RBFOX1: variants seen among roughly 807,000 people sequenced by gnomAD.
RBFOX1 encodes the protein RNA binding protein fox-1 homolog 1.
In RBFOX1, 8 loss-of-function variants were observed where a neutral mutation model predicts 57.7. That is an observed-to-expected ratio of 0.14 (90% CI 0.08 to 0.25). RBFOX1 has a LOEUF of 0.25. Among genes scored for constraint, RBFOX1 ranks in the 10% least tolerant of loss-of-function variants. The probability of loss-of-function intolerance (pLI) is 1.00; values close to 1 mark genes in which losing one functional copy is unlikely to be tolerated. For missense variants in RBFOX1, 611 were observed against 548.5 expected, an observed-to-expected ratio of 1.11 and a Z score of -1.14; for synonymous variants, 326 against 222.4, an observed-to-expected ratio of 1.47 and a Z score of -4.15.
Position 5,583,672 on chromosome 16 carries a change from T to G in RBFOX1, c.259-15230T>G, listed in dbSNP as rs533513838. On this transcript the variant is annotated intron_variant, in intron 2 of 2. Transcript: ENST00000585867. The stretch of plus-strand genomic sequence containing the variant: ...TTGGGCTGGGCTTCAGTTTCCTCTC[T>G]GTAAAGTGGGGTCGATAAGAGCTAA... Among the ~76,000 whole-genome samples, 3 of 152,326 alleles carry G rather than the reference T, an allele frequency of 2.0e-5. No homozygotes were observed. The East Asian group carries it at 5.8e-4, about 29-fold the overall frequency.
chr16:7,027,102 C>G (rs972011551), intron 3 of RBFOX1, among the ~76,000 whole-genome samples: 7 of 152,116 alleles, frequency 4.6e-5, no homozygotes, highest in African/African-American at 1.7e-4. Context: ...TTCCTGAACC[C>G]GTCTCTCCTA....
intron 4 of RBFOX1, among the ~76,000 whole-genome samples, chr16:7,118,211 A>G (rs911597687): frequency 6.6e-6 from 1 of 152,114 alleles, no homozygotes; most frequent in Non-Finnish European, 1.5e-5. Flanking sequence ...CACCAGCAGC[A>G]TATAAGAGTC....
At chr16:5,294,824 A>C (rs932906665) in intron 1 of RBFOX1, among the ~76,000 whole-genome samples, 1 of 151,740 alleles carries the variant, frequency 6.6e-6, no homozygotes, top group South Asian at 2.1e-4. Context: ...TGAGGCCAGG[A>C]TTTCAAGATC....
intron 2 of RBFOX1, among the ~76,000 whole-genome samples, chr16:6,459,574 T>C (rs549029070): frequency 6.6e-6 from 1 of 152,276 alleles, no homozygotes; most frequent in Non-Finnish European, 1.5e-5. Flanking sequence ...AATTACCCTA[T>C]ATCTCATGCT....
chr16:7,127,155 T>C (rs1359878418), intron 4 of RBFOX1, among the ~76,000 whole-genome samples: 1 of 152,144 alleles, frequency 6.6e-6, no homozygotes, highest in Non-Finnish European at 1.5e-5. Context: ...CTGACTGTGA[T>C]TATAATTTCA....
intron 2 of RBFOX1, among the ~76,000 whole-genome samples, chr16:5,474,871 C>T (rs747329177): frequency 6.6e-6 from 1 of 152,214 alleles, no homozygotes; most frequent in Non-Finnish European, 1.5e-5. Flanking sequence ...ATTTGACTCA[C>T]AAAGGCTATT....
At chr16:7,247,523 G>A (rs1302731043) in intron 4 of RBFOX1, among the ~76,000 whole-genome samples, 1 of 152,158 alleles carries the variant, frequency 6.6e-6, no homozygotes, top group Non-Finnish European at 1.5e-5. Context: ...TTTTCTGTAA[G>A]ACCCTGTGCC....
chr16:6,467,143 A>G (rs2095068074), intron 2 of RBFOX1, among the ~76,000 whole-genome samples: 2 of 151,064 alleles, frequency 1.3e-5, no homozygotes, highest in East Asian at 1.9e-4. Flanking sequence ...AATATAATAA[A>G]GTTTACTTAA....
chr16:5,405,901 C>G (rs148481420), intron 1 of RBFOX1, among the ~76,000 whole-genome samples: 5 of 152,228 alleles, frequency 3.3e-5, no homozygotes, highest in African/African-American at 1.2e-4. Flanking sequence ...CATCTCCCCA[C>G]AGGCTGAGGA....
intron 4 of RBFOX1, among the ~76,000 whole-genome samples, chr16:5,906,427 A>G (rs925613912): frequency 2.0e-5 from 3 of 152,214 alleles, no homozygotes; most frequent in East Asian, 1.9e-4. Flanking sequence ...ATGCTAGGGT[A>G]GAGCTACGGA....
chr16:5,270,993 T>A, intron 1 of RBFOX1: 3 of 312,716 alleles, frequency 9.6e-6, no homozygotes, highest in Non-Finnish European at 1.8e-5. Flanking sequence ...AAAGCCCTAT[T>A]TGTGAAAAAC....
intron 3 of RBFOX1, among the ~76,000 whole-genome samples, chr16:5,798,165 A>G (rs1597298379): frequency 6.6e-6 from 1 of 152,186 alleles, no homozygotes; most frequent in Non-Finnish European, 1.5e-5. Flanking sequence ...AAAAATGACT[A>G]ATTGTAAGAA....
At chr16:5,484,367 T>G (rs1284294337) in intron 2 of RBFOX1, among the ~76,000 whole-genome samples, 1 of 152,234 alleles carries the variant, frequency 6.6e-6, no homozygotes, top group Non-Finnish European at 1.5e-5. Flanking sequence ...GGCAACTGGC[T>G]TCTCTTAGTG....
chr16:6,744,051 C>G (rs971598023), intron 3 of RBFOX1, among the ~76,000 whole-genome samples: 1 of 151,894 alleles, frequency 6.6e-6, no homozygotes, highest in Admixed American at 6.6e-5. Context: ...AATAAAGATA[C>G]AGAATGTGAT....
intron 4 of RBFOX1, among the ~76,000 whole-genome samples, chr16:7,061,401 C>G (rs1598425038): frequency 6.6e-6 from 1 of 152,292 alleles, no homozygotes; most frequent in African/African-American, 2.4e-5. Flanking sequence ...AATCAGCCAA[C>G]TAGTCACAGA....
chr16:7,544,345 G>A (rs916509449), intron 5 of RBFOX1, among the ~76,000 whole-genome samples: 6 of 152,172 alleles, frequency 3.9e-5, no homozygotes, highest in African/African-American at 1.4e-4. Context: ...TGTACTGAGT[G>A]AATTAGTGTC....
intron 1 of RBFOX1, 91 bp downstream of exon 1, chr16:6,020,083 G>T: frequency 7.6e-7 from 1 of 1,310,648 alleles, no homozygotes. Flanking sequence ...CTAGGTCCCC[G>T]AGAACTGGCC....
chr16:7,377,549 C>T (rs1231931127), intron 4 of RBFOX1, among the ~76,000 whole-genome samples: 2 of 152,188 alleles, frequency 1.3e-5, no homozygotes, highest in Non-Finnish European at 2.9e-5. Flanking sequence ...GCTCTGGAAT[C>T]TGTATTTGCA....
chr16:6,686,336 C>A lies in RBFOX1; in HGVS notation c.-16+31686C>A, dbSNP rs527821537. On this transcript the variant is annotated intron_variant, in intron 3 of 15. Coordinates refer to ENST00000550418, the MANE Select transcript of RBFOX1 (RefSeq NM_018723.4). Reference sequence around the variant, plus strand: ...TGTGTGGGCTTAGTCTGAGCCCTCGCCCCTCCTCCTTTGCTTTATTGATGC... The same window carrying A: ...TGTGTGGGCTTAGTCTGAGCCCTCGACCCTCCTCCTTTGCTTTATTGATGC... Among the ~76,000 whole-genome samples the A allele has an allele frequency of 2.2e-4, 33 of 152,288 alleles. No individual in the cohort carries two copies. In the South Asian group the frequency reaches 5.0e-3, roughly 23 times the overall value.
Sources: gnomAD v4.1 joint callset for allele counts (sites outside exome capture counted in the v4.1 genomes callset) on GRCh38, gnomAD v4.1.1 for gene constraint, MANE v1.5 for transcripts, NCBI Gene and HGNC (gene_info 2026-07-23, HGNC 2026-07-21) for gene names.